The following LRRK1 variants were observed in gnomAD, a reference collection of about 807,000 sequenced individuals.
LRRK1 encodes leucine-rich repeat serine/threonine-protein kinase 1.
Under a neutral mutation model 209.1 loss-of-function variants are expected in LRRK1, and 113 were observed. The observed-to-expected ratio is 0.54, with a 90% confidence interval of 0.46 to 0.63. The LOEUF is 0.63. LRRK1 is among the 30% of genes least tolerant of loss of function. LRRK1 has a pLI of 0.00. For synonymous variants in LRRK1, 1,144 were observed against 1,099.7 expected (o/e 1.04, Z -0.80); for missense variants, 2,284 against 2,632.2 (o/e 0.87, Z 2.89).
At chr15:101,031,304 TC>T (rs2034270826) in intron 20 of LRRK1, among the ~76,000 whole-genome samples, 3 of 152,198 alleles carry the variant, frequency 2.0e-5, no homozygotes, top group Admixed American at 2.0e-4. Context: ...CACTCTGACT[TC>T]CAGCACCAGA....
At chr15:100,989,850 G>GT (rs971850404) in intron 6 of LRRK1, among the ~76,000 whole-genome samples, 160 of 150,958 alleles carry the variant, frequency 1.1e-3, no homozygotes, top group African/African-American at 3.0e-3. Context: ...TTTGTTTCTG[G>GT]TTTTTTTTGG....
intron 7 of LRRK1, among the ~76,000 whole-genome samples, chr15:101,009,829 G>T (rs759834360): frequency 6.6e-6 from 1 of 152,072 alleles, no homozygotes; most frequent in Non-Finnish European, 1.5e-5. Context: ...CTCATGATCC[G>T]CCTGCCTCGG....
At chr15:101,037,743 C>A (rs988439913) in intron 20 of LRRK1, among the ~76,000 whole-genome samples, 2 of 152,196 alleles carry the variant, frequency 1.3e-5, no homozygotes, top group African/African-American at 4.8e-5. Flanking sequence ...TGCACCTCAG[C>A]CCCAGCACCA....
intron 6 of LRRK1, among the ~76,000 whole-genome samples, chr15:100,996,752 G>A (rs1291945684): frequency 6.6e-6 from 1 of 152,228 alleles, no homozygotes; most frequent in Admixed American, 6.5e-5. Flanking sequence ...CTGTGTTCAT[G>A]TCGTCCTGCT....
chr15:101,067,902 C>T (rs1201580126), intron 33 of LRRK1, among the ~76,000 whole-genome samples: 1 of 152,240 alleles, frequency 6.6e-6, no homozygotes, highest in African/African-American at 2.4e-5. Flanking sequence ...ATCCCTAAAG[C>T]CAGATTTTAC....
chr15:101,016,939 G>A (rs1255923471), intron 12 of LRRK1, among the ~76,000 whole-genome samples: 1 of 152,220 alleles, frequency 6.6e-6, no homozygotes, highest in Non-Finnish European at 1.5e-5. Flanking sequence ...GGCCAGTTCA[G>A]CAGAGAGTAC....
At position 100,998,575 on chromosome 15, in the gene LRRK1, G is replaced by A. The variant is rs1396864681; in HGVS notation, c.762+9177G>A. ...GGCCAATTTTGCTCACCCTGTGTTT[G>A]CCCCTCCGTATAGGACTTGGAACAC... On this transcript the variant is annotated intron_variant, in intron 6 of 33. Coordinates refer to ENST00000388948, the MANE Select transcript of LRRK1 (RefSeq NM_024652.6). Among the ~76,000 whole-genome samples, 3 of 125,960 alleles carry A rather than the reference G, an allele frequency of 2.4e-5. No individual in the cohort carries two copies. The East Asian group carries it at 7.9e-4, about 33-fold the overall frequency. 82.6% of individuals were successfully genotyped at this position (125,960 alleles called of 152,430 possible).
At position 101,030,311 on chromosome 15, in the gene LRRK1, G is replaced by A. The variant is rs115290095; in HGVS notation, c.2963+1079G>A. On this transcript the variant is annotated intron_variant, in intron 20 of 33. Coordinates refer to ENST00000388948, the MANE Select transcript of LRRK1 (RefSeq NM_024652.6). ...ACCTTGCCACCCTCCCTTCCAGCCC[G>A]CAGTGTCCTCAGCAGGCCCCTCCCC... 2.4e-3 allele frequency among the ~76,000 whole-genome samples: 366 copies of A among 152,010 alleles called. 1 individual carries two copies. Among genetic ancestry groups the A allele is most frequent in the African/African-American group, 8.2e-3 (341 of 41,428 alleles).
At position 101,027,843 on chromosome 15, in the gene LRRK1, A is replaced by G; in HGVS notation, c.2686+46A>G. ...TGGCAGGGTGCCCGTGAGAAATGGA[A>G]CTGTCTGTACTTGCTAACTTCAGCT... On this transcript the variant is annotated intron_variant, in intron 19 of 33. Coordinates refer to ENST00000388948, the MANE Select transcript of LRRK1 (RefSeq NM_024652.6). This position sits in a 1 kb window ranked among gnomAD's most constrained non-coding sequence, Gnocchi z 5.1. 6.7e-7 allele frequency: 1 copy of G among 1,490,838 alleles called. No homozygotes were observed. The highest frequency in any genetic ancestry group is 9.0e-7 in the Non-Finnish European group (1 of 1,106,932). 92.4% of individuals were successfully genotyped at this position (1,490,838 alleles called of 1,614,324 possible). A position where few individuals can be genotyped will look rare whatever the true frequency, so the allele number is the denominator to read the frequency against.
chr15:100,983,556 A>G lies in LRRK1; in HGVS notation c.290A>G (p.Tyr97Cys), dbSNP rs773149239. The part of the protein sequence containing the change: ...KGQLLSIPAA[Y>C]GDLEMVRYLL... ...CAGCTTCTGAGCATCCCGGCAGCCT[A>G]TGGGGATCTGGAGATGGTCCGCTAC... Residue 97 changes from tyrosine (Y) to cysteine (C), a missense_variant, in exon 4 of 34, where the codon TAT (tyrosine) becomes TGT (cysteine). Tyr to Cys is a radical substitution (Grantham distance 194). This residue lies in a region of LRRK1 where 134 missense variants were observed against 191.7 expected (regional missense o/e 0.70). Transcript: ENST00000388948. 9 of 1,608,272 alleles carry G rather than the reference A, an allele frequency of 5.6e-6. No homozygotes were observed. Among genetic ancestry groups the G allele is most frequent in the Non-Finnish European group, 7.6e-6 (9 of 1,176,472 alleles).
chr15:101,067,537 T>C (rs2036606252), intron 33 of LRRK1: 1 of 284,906 alleles, frequency 3.5e-6, no homozygotes, highest in Admixed American at 4.1e-5. Context: ...CCTGGGCAAG[T>C]GGGTTTTTAT....
rs143142961 is a variant in LRRK1, at chr15:101,060,264, C to T, written c.4680-907C>T. ...GGCAGACGAGCAGGTAAACAGGATA[C>T]GCCTAGGACACAATTCCAGTTGCAG... On this transcript the variant is annotated intron_variant, in intron 29 of 33. Transcript: ENST00000388948. Among the ~76,000 whole-genome samples the T allele has an allele frequency of 5.4e-3, 827 of 152,216 alleles. 5 individuals carry two copies. The highest frequency in any genetic ancestry group is 0.019 in the African/African-American group (790 of 41,532).
At chr15:101,063,296 C>T (rs1184447378) in intron 31 of LRRK1, among the ~76,000 whole-genome samples, 1 of 152,222 alleles carries the variant, frequency 6.6e-6, no homozygotes, top group African/African-American at 2.4e-5. Flanking sequence ...CTCTATGAGG[C>T]TGGCCTCCAG....
At chr15:100,942,062 T>TAA (rs1297270156) in intron 2 of LRRK1, among the ~76,000 whole-genome samples, 2 of 152,236 alleles carry the variant, frequency 1.3e-5, no homozygotes, top group Non-Finnish European at 2.9e-5. Flanking sequence ...ATATTTGTAA[T>TAA]AATTTCTAAG....
rs777857679 is a variant in LRRK1 at position 101,055,204 on chromosome 15, G to A, written c.4313G>A (p.Arg1438His). The A allele has an allele frequency of 1.4e-5, 23 of 1,587,380 alleles. No individual in the cohort carries two copies. Among genetic ancestry groups the A allele is most frequent in the Admixed American group, 3.5e-5 (2 of 56,454 alleles). The change falls in exon 27 of 34, where the codon CGC becomes CAC. Residue 1438 changes from arginine to histidine, a missense_variant. This residue lies in a region of LRRK1 where 59 missense variants were observed against 103.8 expected (regional missense o/e 0.57). Coordinates refer to ENST00000388948, the MANE Select transcript of LRRK1 (RefSeq NM_024652.6). ...TACCAGGCCCCAGAGATCAGGCCTC[G>A]CATTGTATATGATGAGAAGGTACGT... Reference protein sequence around the residue: ...PGYQAPEIRPRIVYDEKVDMF... With the variant: ...PGYQAPEIRPHIVYDEKVDMF...
intron 6 of LRRK1, among the ~76,000 whole-genome samples, chr15:100,995,595 G>A (rs993535221): frequency 1.3e-5 from 2 of 152,150 alleles, no homozygotes; most frequent in African/African-American, 2.4e-5. Flanking sequence ...GGTGAACATC[G>A]GGTCAATGTT....
chr15:101,020,550 A>G (rs1408861716), intron 12 of LRRK1, among the ~76,000 whole-genome samples: 1 of 151,624 alleles, frequency 6.6e-6, no homozygotes, highest in Non-Finnish European at 1.5e-5. Context: ...TAATTTTTGT[A>G]TCTTTAGTAG....
At chr15:100,962,687 TA>T (rs2030076621) in intron 2 of LRRK1, among the ~76,000 whole-genome samples, 1 of 149,372 alleles carries the variant, frequency 6.7e-6, no homozygotes, top group African/African-American at 2.5e-5. Flanking sequence ...CAAACAAAAA[TA>T]ATAGACTGTA....
At chr15:100,962,816 T>TATACATATATATATATATATATAC (rs1596204721) in intron 2 of LRRK1, among the ~76,000 whole-genome samples, 4 of 32,734 alleles carry the variant, frequency 1.2e-4, no homozygotes, top group African/African-American at 3.9e-4. Flanking sequence ...TATATATATA[T>TATACATATATATATATATATATAC]ATATATATTT....
Sources: gnomAD v4.1 joint callset for allele counts (sites outside exome capture counted in the v4.1 genomes callset) on GRCh38, gnomAD v4.1.1 for gene constraint, gnomAD v4.1.1 regional missense constraint, Gnocchi (gnomAD v3.1) non-coding constraint, MANE v1.5 for transcripts, NCBI Gene and HGNC (gene_info 2026-07-23, HGNC 2026-07-21) for gene names.